TRPC4: variants seen among roughly 807,000 people sequenced by gnomAD.
TRPC4 encodes transient receptor potential cation channel subfamily C member 4.
A neutral mutation model predicts 99.4 loss-of-function variants in TRPC4; 49 were observed. That is an observed-to-expected ratio of 0.49 (90% CI 0.39 to 0.63). The LOEUF is 0.63. Ranked by LOEUF, TRPC4 falls within the 20% of genes least tolerant of loss-of-function variation. The pLI is 0.00. For synonymous variants in TRPC4, 454 were observed against 425.9 expected (o/e 1.07, Z -0.81); for missense variants, 898 against 1,152.9 (o/e 0.78, Z 3.20).
chr13:37,650,610 T>TACACACACACACACACACACACAC (rs1555250394), intron 8 of TRPC4, among the ~76,000 whole-genome samples: 1 of 65,090 alleles, frequency 1.5e-5, no homozygotes, highest in Admixed American at 2.0e-4. Context: ...TCTCTCTCTC[T>TACACACACACACACACACACACAC]ATACACACAC....
intron 1 of TRPC4, among the ~76,000 whole-genome samples, chr13:37,796,812 G>A (rs988644875): frequency 6.6e-6 from 1 of 151,790 alleles, no homozygotes; most frequent in East Asian, 1.9e-4. Flanking sequence ...AAGACTTAAG[G>A]GCTGGGTCAG....
At chr13:37,775,685 C>A (rs932749444) in intron 2 of TRPC4, among the ~76,000 whole-genome samples, 51 of 151,706 alleles carry the variant, frequency 3.4e-4, no homozygotes, top group African/African-American at 1.2e-3. Context: ...GACTCAGTTT[C>A]TCTACCTAAA....
rs114953388 is a variant in TRPC4 at position 37,766,867 on chromosome 13, C to A, written c.378+16089G>T. On this transcript the variant is annotated intron_variant, in intron 2 of 10. Coordinates refer to ENST00000379705, the MANE Select transcript of TRPC4 (RefSeq NM_016179.4). Reference sequence around the variant, plus strand: ...TATGATGAAAGTGCTTAGGCAGTGGCAGAGTGATTTATAAATGTAAGGAGG... The same window carrying A: ...TATGATGAAAGTGCTTAGGCAGTGGAAGAGTGATTTATAAATGTAAGGAGG... Among the ~76,000 whole-genome samples the A allele has an allele frequency of 7.6e-3, 1,155 of 151,320 alleles. 15 individuals carry two copies. The highest frequency in any genetic ancestry group is 0.026 in the African/African-American group (1,069 of 41,354).
intron 1 of TRPC4, among the ~76,000 whole-genome samples, chr13:37,818,260 C>G (rs955194513): frequency 6.6e-6 from 1 of 152,090 alleles, no homozygotes; most frequent in Non-Finnish European, 1.5e-5. Context: ...GATACCATCT[C>G]ACACCAGTTA....
Position 37,746,951 on chromosome 13 carries a change from T to C in TRPC4, c.379-496A>G, listed in dbSNP as rs527776483. 3.3e-5 allele frequency among the ~76,000 whole-genome samples: 5 copies of C among 152,308 alleles called. No homozygotes were observed. In the East Asian group the frequency reaches 9.7e-4, roughly 29 times the overall value. Reference sequence around the variant, plus strand: ...GTTTTTACTGTGTTTTAGCTTCTGCTTTCCTATCATTCAGCCTAGTGACTA... The same window carrying C: ...GTTTTTACTGTGTTTTAGCTTCTGCCTTCCTATCATTCAGCCTAGTGACTA... On this transcript the variant is annotated intron_variant, in intron 2 of 10. Coordinates refer to ENST00000379705, the MANE Select transcript of TRPC4 (RefSeq NM_016179.4).
At chr13:37,816,679 T>C (rs771254444) in intron 1 of TRPC4, among the ~76,000 whole-genome samples, 3 of 151,930 alleles carry the variant, frequency 2.0e-5, no homozygotes, top group Non-Finnish European at 4.4e-5. Context: ...TAATCCACCA[T>C]GATCAAGTAG....
At chr13:37,823,659 GT>G (rs1958096184) in intron 1 of TRPC4, among the ~76,000 whole-genome samples, 1 of 150,288 alleles carries the variant, frequency 6.7e-6, no homozygotes, top group Admixed American at 6.6e-5. Flanking sequence ...GTACCATGCT[GT>G]TTTGGTTACT....
chr13:37,702,202 T>C (rs1224046563), intron 3 of TRPC4, among the ~76,000 whole-genome samples: 1 of 152,200 alleles, frequency 6.6e-6, no homozygotes, highest in Non-Finnish European at 1.5e-5. Flanking sequence ...TAACCAGTCA[T>C]ATTGGAGTAA....
chr13:37,666,261 G>A (rs896615546), intron 5 of TRPC4, among the ~76,000 whole-genome samples: 3 of 152,174 alleles, frequency 2.0e-5, no homozygotes, highest in Admixed American at 2.0e-4. Flanking sequence ...TGAGTTCTGA[G>A]ACACATATTT....
At chr13:37,817,644 G>C (rs1176040570) in intron 1 of TRPC4, among the ~76,000 whole-genome samples, 1 of 151,874 alleles carries the variant, frequency 6.6e-6, no homozygotes, top group East Asian at 1.9e-4. Context: ...CTATATTACA[G>C]GGTTACGGTA....
Position 37,746,311 on chromosome 13 carries a change from G to A in TRPC4, c.523C>T (p.Arg175Cys), listed in dbSNP as rs193920981. The A allele has an allele frequency of 6.2e-7, 1 of 1,613,670 alleles. No individual in the cohort carries two copies. The highest frequency in any genetic ancestry group is 1.3e-5 in the African/African-American group (1 of 74,890). Residue 175 changes from arginine (R) to cysteine (C), a missense_variant, in exon 3 of 11, where the codon CGC becomes TGC. Around this residue, in one of 3 missense-constraint regions of TRPC4, gnomAD observed 278 missense variants for 346.6 expected, o/e 0.80. Coordinates refer to ENST00000379705, the MANE Select transcript of TRPC4 (RefSeq NM_016179.4). ...GACACGCATTCCACACAGTTACAGC[G>A]GACCTCGTGGGGTCGAGGCACTGAG... The part of the protein sequence containing the change: ...GVSVPRPHEV[R>C]CNCVECVSSS...
chr13:37,720,731 A>G lies in TRPC4; in HGVS notation c.897+25206T>C, dbSNP rs555985945. 3.9e-5 allele frequency among the ~76,000 whole-genome samples: 6 copies of G among 152,164 alleles called. No individual in the cohort carries two copies. In the South Asian group the frequency reaches 1.2e-3, roughly 31 times the overall value. ...GGAGTATATTTATTTTTCATTTTTC[A>G]TTTGAACACCTATTTCCTATTTTGT... On this transcript the variant is annotated intron_variant, in intron 3 of 10. Coordinates refer to ENST00000379705, the MANE Select transcript of TRPC4 (RefSeq NM_016179.4).
intron 3 of TRPC4, among the ~76,000 whole-genome samples, chr13:37,706,710 T>C (rs1054377686): frequency 2.0e-5 from 3 of 148,174 alleles, no homozygotes; most frequent in Non-Finnish European, 4.5e-5. Flanking sequence ...TTCCCACCTA[T>C]GAGTGAGAAC....
chr13:37,832,539 A>C (rs944635799), intron 1 of TRPC4, among the ~76,000 whole-genome samples: 1 of 152,074 alleles, frequency 6.6e-6, no homozygotes, highest in Non-Finnish European at 1.5e-5. Flanking sequence ...ACTCCGTCAA[A>C]AACAACAACA....
chr13:37,760,563 C>T (rs942834856), intron 2 of TRPC4, among the ~76,000 whole-genome samples: 4 of 151,876 alleles, frequency 2.6e-5, no homozygotes, highest in African/African-American at 9.7e-5. Flanking sequence ...TCCCTTATTT[C>T]CCATCAAAGG....
At chr13:37,692,665 C>T (rs954379425) in intron 3 of TRPC4, among the ~76,000 whole-genome samples, 3 of 152,182 alleles carry the variant, frequency 2.0e-5, no homozygotes, top group African/African-American at 4.8e-5. Context: ...TATAAAGATA[C>T]ACACCTATAT....
Position 37,676,254 on chromosome 13 carries a change from C to T in TRPC4, c.1235-1887G>A, listed in dbSNP as rs936568524. 2.2e-5 allele frequency among the ~76,000 whole-genome samples: 3 copies of T among 136,418 alleles called. No homozygotes were observed. In the Admixed American group the frequency reaches 2.4e-4, roughly 11 times the overall value. The allele number at this position is 136,418 out of a possible 152,430, so 89.5% of individuals were successfully genotyped here. Reference sequence around the variant, plus strand: ...AAAACAAAAGATAAAGAAAAAATACCGAAAGCAGCCAAGAAAAAAAAAAAA... The same window carrying T: ...AAAACAAAAGATAAAGAAAAAATACTGAAAGCAGCCAAGAAAAAAAAAAAA... On this transcript the variant is annotated intron_variant, in intron 4 of 10. Coordinates refer to ENST00000379705, the MANE Select transcript of TRPC4 (RefSeq NM_016179.4).
At chr13:37,858,887 A>T (rs1166589205) in intron 1 of TRPC4, among the ~76,000 whole-genome samples, 1 of 151,282 alleles carries the variant, frequency 6.6e-6, no homozygotes, top group African/African-American at 2.4e-5. Flanking sequence ...CTGTGACTAA[A>T]GTCAAACTCA....
At chr13:37,852,608 T>G (rs942031253) in intron 1 of TRPC4, among the ~76,000 whole-genome samples, 3 of 152,162 alleles carry the variant, frequency 2.0e-5, no homozygotes, top group African/African-American at 7.2e-5. Flanking sequence ...GGAAATTTTC[T>G]TGCACCTTAG....
Sources: allele counts gnomAD v4.1 joint callset (sites outside exome capture counted in the v4.1 genomes callset), GRCh38; gene constraint gnomAD v4.1.1; regional missense constraint gnomAD v4.1.1; transcripts MANE v1.5; gene names NCBI Gene and HGNC (gene_info 2026-07-23, HGNC 2026-07-21).